The following CNTNAP5 variants were observed in gnomAD, a reference collection of about 807,000 sequenced individuals.
The protein encoded by CNTNAP5 is contactin associated protein family member 5.
A neutral mutation model predicts 150.2 loss-of-function variants in CNTNAP5; 72 were observed. That is an observed-to-expected ratio of 0.48 (90% CI 0.40 to 0.58). The LOEUF (loss-of-function observed/expected upper bound fraction) is 0.58. Among genes scored for constraint, CNTNAP5 ranks in the 20% least tolerant of loss-of-function variants. The probability of loss-of-function intolerance (pLI) is 0.00; values close to 1 mark genes in which losing one functional copy is unlikely to be tolerated. For synonymous variants in CNTNAP5, 672 were observed against 619.8 expected, an observed-to-expected ratio of 1.08 and a Z score of -1.25; for missense variants, 1,636 against 1,626.2, an observed-to-expected ratio of 1.01 and a Z score of -0.10.
At chr2:124,074,338 G>T (rs1361469804) in intron 1 of CNTNAP5, among the ~76,000 whole-genome samples, 3 of 152,058 alleles carry the variant, frequency 2.0e-5, no homozygotes, top group African/African-American at 4.8e-5. Context: ...ATAACTAAAA[G>T]AATATAATTG....
chr2:124,766,851 C>T (rs940303507), intron 16 of CNTNAP5, among the ~76,000 whole-genome samples: 1 of 152,020 alleles, frequency 6.6e-6, no homozygotes, highest in African/African-American at 2.4e-5. Context: ...TTACATTTGA[C>T]AAAAATCAAA....
intron 12 of CNTNAP5, among the ~76,000 whole-genome samples, chr2:124,620,749 A>G (rs751406534): frequency 0.36 from 37,768 of 105,152 alleles, 5,405 homozygotes; most frequent in Non-Finnish European, 0.45. Flanking sequence ...ACACATGCAC[A>G]CACACACACA....
chr2:124,476,556 A>C (rs142910662), intron 7 of CNTNAP5, among the ~76,000 whole-genome samples: 1 of 152,176 alleles, frequency 6.6e-6, no homozygotes, highest in Non-Finnish European at 1.5e-5. Context: ...GGGGTTCCTC[A>C]TGATAGCTCA....
At chr2:124,758,228 A>G (rs1354898070) in intron 14 of CNTNAP5, among the ~76,000 whole-genome samples, 1 of 152,162 alleles carries the variant, frequency 6.6e-6, no homozygotes, top group Non-Finnish European at 1.5e-5. Context: ...GGAAGTAAGA[A>G]AGAAATGAAG....
chr2:124,577,861 G>T (rs533656014), intron 11 of CNTNAP5, among the ~76,000 whole-genome samples: 1 of 152,106 alleles, frequency 6.6e-6, no homozygotes, highest in Non-Finnish European at 1.5e-5. Context: ...TGGAGTTGGG[G>T]TCAGAGGGAT....
intron 13 of CNTNAP5, among the ~76,000 whole-genome samples, chr2:124,663,498 A>G (rs1678635230): frequency 6.6e-6 from 1 of 152,214 alleles, no homozygotes. Context: ...ATTTATCTGT[A>G]TATTCAGCAC....
chr2:124,570,645 G>T (rs899359638), intron 11 of CNTNAP5, among the ~76,000 whole-genome samples: 2 of 152,090 alleles, frequency 1.3e-5, no homozygotes, highest in African/African-American at 4.8e-5. Flanking sequence ...GTGCTTTGGA[G>T]CATATACTGA....
At chr2:124,173,284 C>G (rs74437955) in intron 1 of CNTNAP5, among the ~76,000 whole-genome samples, 2 of 152,160 alleles carry the variant, frequency 1.3e-5, no homozygotes, top group Non-Finnish European at 2.9e-5. Flanking sequence ...CCTCTCAGTA[C>G]TCAAGTGAAA....
intron 19 of CNTNAP5, among the ~76,000 whole-genome samples, chr2:124,843,148 A>T (rs967727833): frequency 6.6e-6 from 1 of 152,096 alleles, no homozygotes; most frequent in Non-Finnish European, 1.5e-5. Context: ...GTGAGAACAT[A>T]CAATGTTTGG....
At chr2:124,268,870 T>C (rs913013185) in intron 3 of CNTNAP5, among the ~76,000 whole-genome samples, 1 of 152,076 alleles carries the variant, frequency 6.6e-6, no homozygotes, top group African/African-American at 2.4e-5. Context: ...TTCTGAAGTT[T>C]GGATGCATGA....
intron 10 of CNTNAP5, among the ~76,000 whole-genome samples, chr2:124,551,145 C>A (rs1005690636): frequency 1.3e-5 from 2 of 152,110 alleles, no homozygotes; most frequent in African/African-American, 4.8e-5. Flanking sequence ...TCTTCTTGAA[C>A]CCCAGCATTG....
intron 1 of CNTNAP5, among the ~76,000 whole-genome samples, chr2:124,043,128 G>A (rs1327310477): frequency 1.3e-5 from 2 of 152,142 alleles, no homozygotes; most frequent in African/African-American, 4.8e-5. Flanking sequence ...TTTTGAAAAA[G>A]GAAAGTGATA....
chr2:124,792,603 G>T (rs1573620707), intron 18 of CNTNAP5, among the ~76,000 whole-genome samples: 1 of 152,086 alleles, frequency 6.6e-6, no homozygotes. Context: ...TCACACAGTT[G>T]TATAACAATC....
intron 19 of CNTNAP5, among the ~76,000 whole-genome samples, chr2:124,834,790 A>ATT (rs1682794321): frequency 1.5e-5 from 1 of 65,080 alleles, no homozygotes; most frequent in Non-Finnish European, 4.1e-5. Flanking sequence ...AATATTTCAC[A>ATT]GTATATATAT....
At chr2:124,083,273 G>A (rs1051224956) in intron 1 of CNTNAP5, among the ~76,000 whole-genome samples, 2 of 152,260 alleles carry the variant, frequency 1.3e-5, no homozygotes, top group East Asian at 1.9e-4. Context: ...GCTTGAACCC[G>A]AGAGGTGAGG....
intron 1 of CNTNAP5, among the ~76,000 whole-genome samples, chr2:124,139,654 C>A (rs190222423): frequency 2.6e-5 from 4 of 152,178 alleles, no homozygotes; most frequent in Non-Finnish European, 5.9e-5. Context: ...GTAATTATAT[C>A]CTTCCTTCGG....
intron 19 of CNTNAP5, among the ~76,000 whole-genome samples, chr2:124,819,855 G>T (rs1682446894): frequency 6.6e-6 from 1 of 152,184 alleles, no homozygotes. Context: ...CCCATCAGCT[G>T]CTCAGTTACT....
At chr2:124,629,836 A>G (rs1211964598) in intron 12 of CNTNAP5, among the ~76,000 whole-genome samples, 1 of 149,322 alleles carries the variant, frequency 6.7e-6, no homozygotes, top group Non-Finnish European at 1.5e-5. Context: ...TAACAAGAAG[A>G]GAGAAGATTC....
chr2:124,709,921 C>G (rs975364851), intron 13 of CNTNAP5, among the ~76,000 whole-genome samples: 2 of 152,074 alleles, frequency 1.3e-5, no homozygotes, highest in African/African-American at 4.8e-5. Context: ...TTCTATTTTT[C>G]TCAGAGTACA....
Sources: gnomAD v4.1 joint callset for allele counts (sites outside exome capture counted in the v4.1 genomes callset) on GRCh38, gnomAD v4.1.1 for gene constraint, MANE v1.5 for transcripts, NCBI Gene and HGNC (gene_info 2026-07-23, HGNC 2026-07-21) for gene names.